ROBO1: variants seen among roughly 807,000 people sequenced by gnomAD.
The protein encoded by ROBO1 is roundabout homolog 1.
A neutral mutation model predicts 195.9 loss-of-function variants in ROBO1; 149 were observed. The observed-to-expected ratio is 0.76, with a 90% CI of 0.67 to 0.87. ROBO1 has a LOEUF of 0.87. Ranked by LOEUF, ROBO1 falls within the 40% of genes least tolerant of loss-of-function variation. The pLI, the probability that ROBO1 is intolerant of heterozygous loss-of-function variation, is 0.00. For synonymous variants in ROBO1, 816 were observed against 733.2 expected, an observed-to-expected ratio of 1.11 and a Z score of -1.82; for missense variants, 1,933 against 2,068.3, an observed-to-expected ratio of 0.93 and a Z score of 1.27.
intron 3 of ROBO1, among the ~76,000 whole-genome samples, chr3:79,110,622 T>C (rs1472511281): frequency 4.3e-5 from 5 of 115,916 alleles, no homozygotes; most frequent in Non-Finnish European, 8.5e-5. Context: ...GGGAAATAAC[T>C]TTTTTTTTTT....
rs185658521 is a variant in ROBO1, at chr3:79,229,885, T to C, written c.89-104346A>G. Among the ~76,000 whole-genome samples, 14 of 152,314 alleles carry C rather than the reference T, an allele frequency of 9.2e-5. No homozygotes were observed. The East Asian group carries it at 1.9e-3, about 21-fold the overall frequency. On this transcript the variant is annotated intron_variant, in intron 2 of 30. Transcript: ENST00000464233. ...TAATTTTTCTTATCAATGATCTTTC[T>C]CACTAATAATTGAGAGTTTTCTTGA...
intron 4 of ROBO1, among the ~76,000 whole-genome samples, chr3:78,886,333 A>T (rs1225713092): frequency 6.6e-6 from 1 of 152,132 alleles, no homozygotes. Flanking sequence ...GCAGTGGCTC[A>T]CATCTGTAAT....
intron 3 of ROBO1, among the ~76,000 whole-genome samples, chr3:79,097,505 G>A (rs1398007998): frequency 6.6e-6 from 1 of 151,784 alleles, no homozygotes; most frequent in Non-Finnish European, 1.5e-5. Flanking sequence ...TGTGTGATAT[G>A]TGGTGTTTTG....
intron 4 of ROBO1, among the ~76,000 whole-genome samples, chr3:78,899,575 A>G (rs143083658): frequency 1.3e-5 from 2 of 152,164 alleles, no homozygotes; most frequent in African/African-American, 4.8e-5. Flanking sequence ...TTTTTAAACA[A>G]CCATAAATAT....
intron 2 of ROBO1, among the ~76,000 whole-genome samples, chr3:79,373,599 A>C (rs2036280417): frequency 6.6e-6 from 1 of 152,222 alleles, no homozygotes; most frequent in African/African-American, 2.4e-5. Flanking sequence ...TGAGCCACTG[A>C]AACTCTGCCA....
intron 10 of ROBO1, among the ~76,000 whole-genome samples, chr3:78,678,489 G>A (rs546869058): frequency 1.6e-4 from 24 of 152,002 alleles, no homozygotes; most frequent in African/African-American, 5.6e-4. Context: ...ATGATAAAGG[G>A]GATATCACCA....
At chr3:79,317,220 A>G (rs2033775013) in intron 2 of ROBO1, among the ~76,000 whole-genome samples, 2 of 152,068 alleles carry the variant, frequency 1.3e-5, no homozygotes, top group African/African-American at 4.8e-5. Context: ...ACCAATCTCC[A>G]ATTTAAACCA....
intron 3 of ROBO1, among the ~76,000 whole-genome samples, chr3:79,004,215 T>C (rs927742737): frequency 6.6e-6 from 1 of 152,164 alleles, no homozygotes; most frequent in African/African-American, 2.4e-5. Context: ...TTTTTAAACA[T>C]GGGGATGTAA....
chr3:78,960,076 G>A (rs2041258493), intron 3 of ROBO1, among the ~76,000 whole-genome samples: 1 of 152,058 alleles, frequency 6.6e-6, no homozygotes, highest in East Asian at 1.9e-4. Flanking sequence ...GAGGTGGGAG[G>A]ATTACTTGAG....
At chr3:78,929,610 C>A (rs2039400363) in intron 4 of ROBO1, among the ~76,000 whole-genome samples, 1 of 151,924 alleles carries the variant, frequency 6.6e-6, no homozygotes, top group South Asian at 2.1e-4. Flanking sequence ...TCAACCAATC[C>A]TTCCACCTCA....
chr3:79,720,140 T>C (rs1232402242), intron 1 of ROBO1, among the ~76,000 whole-genome samples: 1 of 152,184 alleles, frequency 6.6e-6, no homozygotes, highest in Non-Finnish European at 1.5e-5. Flanking sequence ...GACTTTCCAG[T>C]ATTCGTGCCC....
At chr3:79,686,863 A>G (rs1947131519) in intron 1 of ROBO1, among the ~76,000 whole-genome samples, 1 of 152,186 alleles carries the variant, frequency 6.6e-6, no homozygotes. Context: ...ATTGGAAAAA[A>G]CTACTTTAAA....
chr3:79,147,896 T>C (rs2080686931), intron 2 of ROBO1, among the ~76,000 whole-genome samples: 1 of 151,950 alleles, frequency 6.6e-6, no homozygotes, highest in Non-Finnish European at 1.5e-5. Context: ...CAGATTTTTT[T>C]GTTGTTGTTG....
chr3:78,789,640 C>T (rs116420236), intron 4 of ROBO1, among the ~76,000 whole-genome samples: 1 of 152,158 alleles, frequency 6.6e-6, no homozygotes, highest in Non-Finnish European at 1.5e-5. Context: ...CTCTTTCACA[C>T]TCTTCATACC....
chr3:79,044,126 T>TA (rs71127374), intron 3 of ROBO1, among the ~76,000 whole-genome samples: 125,201 of 140,118 alleles, frequency 0.89, 56,727 homozygotes, highest in Non-Finnish European at 0.97. Flanking sequence ...GTTGATGAGC[T>TA]AAAAAAAAAA....
intron 2 of ROBO1, among the ~76,000 whole-genome samples, chr3:79,479,983 T>C (rs566948070): frequency 6.6e-6 from 1 of 152,310 alleles, no homozygotes; most frequent in East Asian, 1.9e-4. Flanking sequence ...ACCTTAGTCA[T>C]TTTGACTACT....
At chr3:78,793,601 G>A (rs371301282) in intron 4 of ROBO1, among the ~76,000 whole-genome samples, 2 of 152,238 alleles carry the variant, frequency 1.3e-5, no homozygotes, top group East Asian at 3.9e-4. Context: ...CCTCTGCCCT[G>A]AGTGACAAAT....
intron 3 of ROBO1, chr3:79,018,586 C>T: frequency 6.7e-7 from 1 of 1,498,422 alleles, no homozygotes; most frequent in Non-Finnish European, 9.0e-7. Flanking sequence ...GTCAATTAGC[C>T]AAGAGTTTTC....
rs368017299 is a variant in ROBO1 at position 78,764,657 on chromosome 3, A to G, written c.500-17757T>C. Among the ~76,000 whole-genome samples, 14 of 152,256 alleles carry G rather than the reference A, an allele frequency of 9.2e-5. No individual in the cohort carries two copies. The East Asian group carries it at 2.1e-3, about 23-fold the overall frequency. On this transcript the variant is annotated intron_variant, in intron 4 of 30. Coordinates refer to ENST00000464233, the MANE Select transcript of ROBO1 (RefSeq NM_002941.4). ...AGTAATATCCTTGTATCAAGCATTA[A>G]CCACATGAGAAAATTAAGCCCATTC... is the stretch of plus-strand genomic sequence containing the variant.
Sources: gnomAD v4.1 joint callset for allele counts (sites outside exome capture counted in the v4.1 genomes callset) on GRCh38, gnomAD v4.1.1 for gene constraint, MANE v1.5 for transcripts, NCBI Gene and HGNC (gene_info 2026-07-23, HGNC 2026-07-21) for gene names.